The following PLCG1 variants were observed in gnomAD, a reference collection of about 807,000 sequenced individuals.
PLCG1 encodes 1-phosphatidylinositol 4,5-bisphosphate phosphodiesterase gamma-1.
PLCG1 carries 71 observed loss-of-function variants against 177.8 expected under a neutral mutation model. The observed-to-expected ratio is 0.40, with a 90% CI of 0.33 to 0.49. PLCG1 has a LOEUF of 0.49. Ranked by LOEUF, PLCG1 falls within the 20% of genes least tolerant of loss-of-function variation. The probability of loss-of-function intolerance (pLI) is 0.72; values close to 1 mark genes in which losing one functional copy is unlikely to be tolerated. For synonymous variants in PLCG1, 658 were observed against 647.9 expected (o/e 1.02, Z -0.24); for missense variants, 1,281 against 1,709.0 (o/e 0.75, Z 4.42).
At chr20:41,154,784 T>C (rs1044537846) in intron 1 of PLCG1, among the ~76,000 whole-genome samples, 1 of 152,138 alleles carries the variant, frequency 6.6e-6, no homozygotes, top group Non-Finnish European at 1.5e-5. Flanking sequence ...CTCTCCCCAC[T>C]CAGTGGATTG....
rs2035001145 is a variant in PLCG1 at position 41,146,573 on chromosome 20, A to G, written c.217+8715A>G. ...GGCCAAACTGGTGAGGAGTTGGGCC[A>G]TGGCGAGTTTGGCCACTTGTTTGTG... On this transcript the variant is annotated intron_variant, in intron 1 of 31. Transcript: ENST00000685551. The surrounding 1 kb of genome is among the most constrained non-coding windows in gnomAD (Gnocchi z 6.3). Among the ~76,000 whole-genome samples, 1 of 152,210 alleles carries G rather than the reference A, an allele frequency of 6.6e-6. No individual in the cohort carries two copies. The highest frequency in any genetic ancestry group is 1.5e-5 in the Non-Finnish European group (1 of 68,026).
chr20:41,138,293 C>T (rs1007974360), intron 1 of PLCG1, among the ~76,000 whole-genome samples: 2 of 151,972 alleles, frequency 1.3e-5, no homozygotes, highest in South Asian at 4.1e-4. Context: ...CTGTGAAACT[C>T]TCCGGGCCCC....
In PLCG1 at chr20:41,168,825, T is replaced by G; in HGVS notation, c.2438T>G (p.Ile813Ser). 1.2e-6 allele frequency: 2 copies of G among 1,612,244 alleles called. No homozygotes were observed. Among genetic ancestry groups the G allele is most frequent in the Non-Finnish European group, 1.7e-6 (2 of 1,179,204 alleles). Residue 813 changes from isoleucine (I) to serine (S), a missense_variant, in exon 21 of 32, where the codon ATC becomes AGC. By Grantham distance (142) the Ile-to-Ser change is moderately radical (BLOSUM62 -2). This residue lies in a region of PLCG1 where 723 missense variants were observed against 1,030.0 expected (regional missense o/e 0.70). Coordinates refer to ENST00000685551, the MANE Select transcript of PLCG1 (RefSeq NM_002660.3). ...KAQREDELTFIKSAIIQNVEK... is the reference protein window; with the variant it reads ...KAQREDELTFSKSAIIQNVEK... ...CAGAGGGAGGACGAGCTGACCTTCATCAAGAGCGCCATCATCCAGAATGTG... is the reference window on the plus strand; with the variant it reads ...CAGAGGGAGGACGAGCTGACCTTCAGCAAGAGCGCCATCATCCAGAATGTG...
At chr20:41,158,467 G>A (rs2035391165) in intron 1 of PLCG1, among the ~76,000 whole-genome samples, 1 of 152,168 alleles carries the variant, frequency 6.6e-6, no homozygotes, top group East Asian at 1.9e-4. Context: ...TGGAATGTCT[G>A]CCCTCCAGCC....
intron 1 of PLCG1, among the ~76,000 whole-genome samples, chr20:41,139,924 TTC>T (rs1265759027): frequency 6.6e-6 from 1 of 152,200 alleles, no homozygotes; most frequent in Non-Finnish European, 1.5e-5. Context: ...AGAACAGTGT[TTC>T]TGTAGAGAAA....
In PLCG1 at chr20:41,165,708, G is replaced by A. The variant is rs1197697879; in HGVS notation, c.1681G>A (p.Gly561Arg). The A allele has an allele frequency of 7.4e-6, 12 of 1,613,772 alleles. No individual in the cohort carries two copies. The highest frequency in any genetic ancestry group is 3.3e-5 in the Admixed American group (2 of 60,010). Residue 561 changes from glycine (G) to arginine (R), a missense_variant, in exon 16 of 32, where the codon GGG becomes AGG. This residue lies in a region of PLCG1 where 723 missense variants were observed against 1,030.0 expected (regional missense o/e 0.70). Transcript: ENST00000685551. The surrounding 1 kb of genome is among the most constrained non-coding windows in gnomAD (Gnocchi z 6.6). ...FHGKLGAGRD[G>R]RHIAERLLTE... ...TGGGAAGCTAGGGGCAGGGCGTGAC[G>A]GGCGTCACATCGCTGAGCGCCTGCT...
rs1425880543 is a variant in PLCG1 at position 41,151,760 on chromosome 20, A to G, written c.218-7846A>G. 3.3e-5 allele frequency among the ~76,000 whole-genome samples: 5 copies of G among 152,110 alleles called. No individual in the cohort carries two copies. The highest frequency in any genetic ancestry group is 5.9e-5 in the Non-Finnish European group (4 of 68,016). On this transcript the variant is annotated intron_variant, in intron 1 of 31. Coordinates refer to ENST00000685551, the MANE Select transcript of PLCG1 (RefSeq NM_002660.3). This position sits in a 1 kb window ranked among gnomAD's most constrained non-coding sequence, Gnocchi z 5.5. ...CTGACCATCCTGTGACCTGGCTACTATTGCATCAGGCTTCCTTCCCACCTG... is the reference window on the plus strand; with the variant it reads ...CTGACCATCCTGTGACCTGGCTACTGTTGCATCAGGCTTCCTTCCCACCTG...
chr20:41,139,845 A>G (rs1221411391), intron 1 of PLCG1, among the ~76,000 whole-genome samples: 5 of 152,094 alleles, frequency 3.3e-5, no homozygotes, highest in African/African-American at 1.2e-4. Context: ...TTAGATTGCT[A>G]CTCAGAAAAA....
chr20:41,152,476 A>G (rs886432456), intron 1 of PLCG1, among the ~76,000 whole-genome samples: 17 of 152,100 alleles, frequency 1.1e-4, no homozygotes, highest in African/African-American at 3.1e-4. Context: ...CTCACTGACC[A>G]CTGCATTTTC....
chr20:41,163,145 C>T lies in PLCG1; in HGVS notation c.717-58C>T, dbSNP rs1381268716. 6.5e-6 allele frequency: 10 copies of T among 1,528,790 alleles called. No individual in the cohort carries two copies. The highest frequency in any genetic ancestry group is 3.7e-5 in the South Asian group (3 of 81,774). The allele number at this position is 1,528,790 out of a possible 1,614,324, so 94.7% of individuals were successfully genotyped here. On this transcript the variant is annotated intron_variant, in intron 7 of 31. Transcript: ENST00000685551. This position sits in a 1 kb window ranked among gnomAD's most constrained non-coding sequence, Gnocchi z 5.2. The stretch of plus-strand genomic sequence containing the variant: ...TGGCTGGGAGTTGGGTTCTGCCTTC[C>T]GTGGGGCACCTTGTTGTCTGTTGAC...
rs1555815135 is a variant in PLCG1, at chr20:41,166,000, C to CA, written c.1799+175dup. The CA allele has an allele frequency of 3.0e-5, 20 of 674,964 alleles. No individual in the cohort carries two copies. The highest frequency in any genetic ancestry group is 2.8e-4 in the African/African-American group (15 of 53,952). The allele number at this position is 674,964 out of a possible 1,614,324, so 41.8% of individuals were successfully genotyped here. A position where few individuals can be genotyped will look rare whatever the true frequency, so the allele number is the denominator to read the frequency against. On this transcript the variant is annotated intron_variant, in intron 16 of 31. Coordinates refer to ENST00000685551, the MANE Select transcript of PLCG1 (RefSeq NM_002660.3). This position sits in a 1 kb window ranked among gnomAD's most constrained non-coding sequence, Gnocchi z 6.6. ...CACACTCTCTGTCTCACCCCCCCCCCATACCCCTCCCTTTTCGGTTCATTT... is the reference window on the plus strand; with the variant it reads ...CACACTCTCTGTCTCACCCCCCCCCCAATACCCCTCCCTTTTCGGTTCATTT...
intron 20 of PLCG1, 147 bp downstream of exon 20, chr20:41,168,076 G>A: frequency 3.0e-6 from 2 of 663,732 alleles, no homozygotes; most frequent in Non-Finnish European, 2.7e-6. Flanking sequence ...AGAGATGTGT[G>A]GTTGGTGAGC....
Position 41,172,643 on chromosome 20 carries a change from C to T in PLCG1, c.3128C>T (p.Pro1043Leu). 6.2e-7 allele frequency: 1 copy of T among 1,613,792 alleles called. No individual in the cohort carries two copies. The highest frequency in any genetic ancestry group is 1.3e-5 in the African/African-American group (1 of 75,064). The change falls in exon 26 of 32, where the codon CCT (proline) becomes CTT (leucine). Residue 1043 changes from proline to leucine, a missense_variant and splice_region_variant. By Grantham distance (98) the Pro-to-Leu change is moderately conservative. Transcript: ENST00000685551. The surrounding 1 kb of genome is among the most constrained non-coding windows in gnomAD (Gnocchi z 7.0). ...SQLVALNFQT[P>L]DKPMQMNQAL... ...CTTGTGGCCCTCAACTTCCAGACCC[C>T]TGGTGAGGAAGTCCCCTGTGAGGAG... is the stretch of plus-strand genomic sequence containing the variant.
chr20:41,137,915 G>T lies in PLCG1; in HGVS notation c.217+57G>T, dbSNP rs1245839420. ...CCCGCGCGGGGGTCGTGGGAGCCCG[G>T]CCCGACTGCTTGCACCCCGGCCGGC... On this transcript the variant is annotated intron_variant, in intron 1 of 31. Coordinates refer to ENST00000685551, the MANE Select transcript of PLCG1 (RefSeq NM_002660.3). This position sits in a 1 kb window ranked among gnomAD's most constrained non-coding sequence, Gnocchi z 7.3. The T allele has an allele frequency of 8.6e-7, 1 of 1,161,426 alleles. No homozygotes were observed. Among genetic ancestry groups the T allele is most frequent in the Non-Finnish European group, 1.1e-6 (1 of 911,150 alleles). 71.9% of individuals were successfully genotyped at this position (1,161,426 alleles called of 1,614,324 possible). A position where few individuals can be genotyped will look rare whatever the true frequency, so the allele number is the denominator to read the frequency against.
Position 41,150,432 on chromosome 20 carries a change from C to T in PLCG1, c.218-9174C>T, listed in dbSNP as rs1429909326. On this transcript the variant is annotated intron_variant, in intron 1 of 31. Transcript: ENST00000685551. This position sits in a 1 kb window ranked among gnomAD's most constrained non-coding sequence, Gnocchi z 4.0. ...GGTCCTGGGCATCCCTGAGACATGG[C>T]CCTGGTGGGTCCCCAGTCTCTCTCC... 1.3e-5 allele frequency among the ~76,000 whole-genome samples: 2 copies of T among 152,172 alleles called. No homozygotes were observed. The highest frequency in any genetic ancestry group is 2.9e-5 in the Non-Finnish European group (2 of 68,030).
At chr20:41,143,275 T>C (rs575841152) in intron 1 of PLCG1, among the ~76,000 whole-genome samples, 9 of 152,336 alleles carry the variant, frequency 5.9e-5, no homozygotes, top group Admixed American at 5.9e-4. Context: ...ACTCACAGCA[T>C]CTCTTCTTAC....
rs1273101523 is a variant in PLCG1 at position 41,164,133 on chromosome 20, C to T, written c.1149C>T (p.Thr383=). Reference sequence around the variant, plus strand: ...TGCCAGTTATTTACCATGGGCACACCCTTACCACCAAGATCAAGTTCTCAG... The same window carrying T: ...TGCCAGTTATTTACCATGGGCACACTCTTACCACCAAGATCAAGTTCTCAG... ...DGMPVIYHGH[T]LTTKIKFSDV... is the part of the protein sequence containing the mutation. Residue 383 remains threonine, a synonymous_variant, in exon 12 of 32, where the codon ACC becomes ACT. Coordinates refer to ENST00000685551, the MANE Select transcript of PLCG1 (RefSeq NM_002660.3). This position sits in a 1 kb window ranked among gnomAD's most constrained non-coding sequence, Gnocchi z 6.4. The T allele has an allele frequency of 1.1e-5, 17 of 1,613,940 alleles. No homozygotes were observed. The highest frequency in any genetic ancestry group is 5.3e-5 in the African/African-American group (4 of 74,886).
At chr20:41,169,633 T>C in intron 23 of PLCG1, 107 bp downstream of exon 23, 1 of 855,986 alleles carries the variant, frequency 1.2e-6, no homozygotes, top group Admixed American at 1.9e-5. Flanking sequence ...CCCCAAAGTC[T>C]GCCCTCACTC....
chr20:41,154,532 C>T (rs2035260448), intron 1 of PLCG1, among the ~76,000 whole-genome samples: 1 of 152,110 alleles, frequency 6.6e-6, no homozygotes, highest in African/African-American at 2.4e-5. Context: ...TGCACATCCT[C>T]GTGGTGGCCA....
Sources: gnomAD v4.1 joint callset for allele counts (sites outside exome capture counted in the v4.1 genomes callset) on GRCh38, gnomAD v4.1.1 for gene constraint, gnomAD v4.1.1 regional missense constraint, Gnocchi (gnomAD v3.1) non-coding constraint, MANE v1.5 for transcripts, NCBI Gene and HGNC (gene_info 2026-07-23, HGNC 2026-07-21) for gene names.